Variants in CLYBL observed in about 807,000 individuals in gnomAD.
The protein encoded by CLYBL is citramalyl-CoA lyase, mitochondrial.
CLYBL carries 31 observed loss-of-function variants against 38.9 expected under a neutral mutation model. The observed-to-expected ratio is 0.80, with a 90% CI of 0.60 to 1.08. The LOEUF is 1.08. Ranked by LOEUF, CLYBL falls within the 50% of genes least tolerant of loss-of-function variation. The pLI, the probability that CLYBL is intolerant of heterozygous loss-of-function variation, is 0.00. For synonymous variants in CLYBL, 171 were observed against 158.6 expected (o/e 1.08, Z -0.59); for missense variants, 434 against 411.6 (o/e 1.05, Z -0.47).
chr13:99,683,633 G>T (rs2047771381), intron 1 of CLYBL, among the ~76,000 whole-genome samples: 1 of 151,804 alleles, frequency 6.6e-6, no homozygotes, highest in Admixed American at 6.6e-5. Flanking sequence ...CCAGTGGAAG[G>T]TCTTTAGGGG....
At chr13:99,901,645 GTTT>G (rs57853480), downstream of CLYBL, among the ~76,000 whole-genome samples, 1 of 127,196 alleles carries the variant, frequency 7.9e-6, no homozygotes, top group African/African-American at 3.1e-5. Context: ...GGATTTTTTT[GTTT>G]TTTTTTTTTG....
intron 2 of CLYBL, among the ~76,000 whole-genome samples, chr13:99,787,471 T>G (rs1243481131): frequency 6.6e-6 from 1 of 152,148 alleles, no homozygotes; most frequent in African/African-American, 2.4e-5. Flanking sequence ...TTTCCCCATT[T>G]CTTGTTTTTG....
At chr13:99,755,590 T>C (rs760947519) in intron 1 of CLYBL, among the ~76,000 whole-genome samples, 3 of 152,196 alleles carry the variant, frequency 2.0e-5, no homozygotes, top group Non-Finnish European at 4.4e-5. Flanking sequence ...AAAGGGTCAG[T>C]CGAAACTTCT....
At chr13:99,688,788 G>A (rs1052975838) in intron 1 of CLYBL, among the ~76,000 whole-genome samples, 1 of 152,092 alleles carries the variant, frequency 6.6e-6, no homozygotes, top group East Asian at 1.9e-4. Context: ...AAGATAGAGC[G>A]TCCAAAAGGC....
intron 2 of CLYBL, among the ~76,000 whole-genome samples, chr13:99,840,954 T>G (rs2051061393): frequency 6.6e-6 from 1 of 151,826 alleles, no homozygotes. Flanking sequence ...ACCTAAACCA[T>G]AACAGCAGCA....
chr13:99,845,612 G>A (rs529782234), intron 2 of CLYBL, among the ~76,000 whole-genome samples: 41 of 152,310 alleles, frequency 2.7e-4, no homozygotes, highest in African/African-American at 9.9e-4. Flanking sequence ...AATTATAGAA[G>A]ATCGGAAGCT....
At chr13:99,878,661 T>G (rs2052112912) in intron 7 of CLYBL, among the ~76,000 whole-genome samples, 1 of 152,222 alleles carries the variant, frequency 6.6e-6, no homozygotes, top group Admixed American at 6.5e-5. Context: ...TAAAGCCACT[T>G]TAAAAATTGA....
At chr13:99,622,016 A>G (rs1248869069) in intron 1 of CLYBL, among the ~76,000 whole-genome samples, 1 of 152,138 alleles carries the variant, frequency 6.6e-6, no homozygotes, top group Non-Finnish European at 1.5e-5. Context: ...TGCCTGTTTC[A>G]GCTTCTAGAG....
chr13:99,764,768 G>A (rs186037386), intron 1 of CLYBL, among the ~76,000 whole-genome samples: 3 of 151,810 alleles, frequency 2.0e-5, no homozygotes, highest in Middle Eastern at 3.4e-3. Context: ...CCCTGAACTC[G>A]TGGGCTGAAG....
At chr13:99,871,172 A>AG (rs371548861) in intron 7 of CLYBL, 110 bp downstream of exon 7, 34 of 1,239,356 alleles carry the variant, frequency 2.7e-5, no homozygotes, top group Middle Eastern at 2.6e-4. Context: ...GTATCTGGAG[A>AG]GGGGGGAAAG....
intron 1 of CLYBL, among the ~76,000 whole-genome samples, chr13:99,685,857 G>A (rs9517834): frequency 0.03 from 4,546 of 152,236 alleles, 125 homozygotes; most frequent in Middle Eastern, 0.085. Context: ...AGCTACTCGG[G>A]TGGCTGAGGA....
rs183749063 is a variant in CLYBL, at chr13:99,772,890, C to T, written c.129C>T (p.Ile43=). 6.8e-6 allele frequency: 11 copies of T among 1,612,884 alleles called. 1 individual carries two copies. In the African/African-American group the frequency reaches 1.5e-4, roughly 22 times the overall value. The change falls in exon 2 of 9, where the codon ATC becomes ATT. Residue 43 remains isoleucine (I), a synonymous_variant. Coordinates refer to ENST00000339105, the MANE Select transcript of CLYBL (RefSeq NM_206808.5). The stretch of plus-strand genomic sequence containing the variant: ...GTTCCTCATCCCATCACAAGTACAT[C>T]CCCCGGAGGGCAGTGCTTTATGTAC... ...GYSSSSHHKY[I]PRRAVLYVPG...
At chr13:99,721,525 C>T (rs534622650) in intron 1 of CLYBL, among the ~76,000 whole-genome samples, 4 of 151,618 alleles carry the variant, frequency 2.6e-5, no homozygotes, top group Non-Finnish European at 5.9e-5. Context: ...ATGTGCACAA[C>T]GTGCAGGTTT....
intron 7 of CLYBL, chr13:99,877,733 C>A: frequency 4.1e-6 from 1 of 244,980 alleles, no homozygotes; most frequent in Admixed American, 5.4e-5. Flanking sequence ...CACAACATGC[C>A]TGGCTAATTT....
intron 2 of CLYBL, among the ~76,000 whole-genome samples, chr13:99,837,346 G>C (rs151045411): frequency 1.2e-4 from 19 of 152,282 alleles, no homozygotes; most frequent in African/African-American, 4.6e-4. Context: ...ACTAATTGTG[G>C]GGGTGAGGTG....
chr13:99,661,900 C>T (rs146392653), intron 1 of CLYBL, among the ~76,000 whole-genome samples: 2 of 152,308 alleles, frequency 1.3e-5, no homozygotes, highest in Non-Finnish European at 2.9e-5. Context: ...TCAGCCTCCC[C>T]TGCCCCCTTA....
chr13:99,797,556 C>CTCTGTGTGTGTGTGTGTGTGTGTGTG (rs775220789), intron 2 of CLYBL, among the ~76,000 whole-genome samples: 1 of 37,484 alleles, frequency 2.7e-5, no homozygotes, highest in East Asian at 7.3e-4. Context: ...GCCATGTTAG[C>CTCTGTGTGTGTGTGTGTGTGTGTGTG]TGTTTGTGTG....
At chr13:99,780,044 C>G (rs1451477055) in intron 2 of CLYBL, among the ~76,000 whole-genome samples, 2 of 152,030 alleles carry the variant, frequency 1.3e-5, no homozygotes, top group Admixed American at 1.3e-4. Context: ...TCTTTACCGA[C>G]TTCTATCTGC....
chr13:99,607,552 C>T (rs944951896), intron 1 of CLYBL, among the ~76,000 whole-genome samples: 2 of 152,138 alleles, frequency 1.3e-5, no homozygotes, highest in Admixed American at 1.3e-4. Context: ...ACTTGCCCAT[C>T]GCCTAGGTAC....
Sources: allele counts gnomAD v4.1 joint callset (sites outside exome capture counted in the v4.1 genomes callset), GRCh38; gene constraint gnomAD v4.1.1; transcripts MANE v1.5; gene names NCBI Gene and HGNC (gene_info 2026-07-23, HGNC 2026-07-21).